The following TBC1D9B variants were observed in gnomAD, a reference collection of about 807,000 sequenced individuals.
The protein encoded by TBC1D9B is TBC1 domain family, member 9B (with GRAM domain).
Under a neutral mutation model 121.1 loss-of-function variants are expected in TBC1D9B, and 87 were observed. That is an observed-to-expected ratio of 0.72 (90% confidence interval 0.60 to 0.86). The LOEUF (loss-of-function observed/expected upper bound fraction) is 0.86, where lower values mean the gene tolerates loss of function less well. TBC1D9B is among the 40% of genes least tolerant of loss of function. The pLI is 0.00. For missense variants in TBC1D9B, 1,540 were observed against 1,628.6 expected, an observed-to-expected ratio of 0.95 and a Z score of 0.94; for synonymous variants, 668 against 670.1, an observed-to-expected ratio of 1.00 and a Z score of 0.05.
Position 179,904,501 on chromosome 5 carries a change from A to G in TBC1D9B, c.229+201T>C. ...CGGCCTCCCAAAGTGCTGGGATTAC[A>G]GACGTGAGCCACCGCACCGGGCCAC... On this transcript the variant is annotated intron_variant, in intron 2 of 20. Coordinates refer to ENST00000355235, the MANE Select transcript of TBC1D9B (RefSeq NM_015043.4). The surrounding 1 kb of genome is among the most constrained non-coding windows in gnomAD (Gnocchi z 4.2). 6.6e-6 allele frequency among the ~76,000 whole-genome samples: 1 copy of G among 152,056 alleles called. No homozygotes were observed. The highest frequency in any genetic ancestry group is 1.9e-4 in the East Asian group (1 of 5,184).
chr5:179,897,140 C>T (rs947358089), intron 3 of TBC1D9B, among the ~76,000 whole-genome samples: 3 of 151,980 alleles, frequency 2.0e-5, no homozygotes, highest in Admixed American at 6.6e-5. Context: ...ATCTCCTGAC[C>T]TCGTGATCCG....
intron 17 of TBC1D9B, chr5:179,869,285 T>C (rs1760112623): frequency 1.5e-5 from 5 of 323,026 alleles, no homozygotes; most frequent in South Asian, 1.0e-4. Context: ...TGCTGAGCCC[T>C]GCCCCCTGCA....
chr5:179,864,271 C>T (rs150645320), intron 20 of TBC1D9B, 143 bp from the exon 21 acceptor site: 104 of 816,006 alleles, frequency 1.3e-4, no homozygotes, highest in Non-Finnish European at 1.0e-4. Flanking sequence ...TCATCAGTCC[C>T]ATCTCACAGA....
Position 179,863,347 on chromosome 5 carries a change from G to C in TBC1D9B, c.*101C>G, listed in dbSNP as rs1582068879. The C allele has an allele frequency of 3.0e-6, 4 of 1,348,432 alleles. No homozygotes were observed. In the East Asian group the frequency reaches 9.4e-5, roughly 32 times the overall value. The allele number at this position is 1,348,432 out of a possible 1,614,324, so 83.5% of individuals were successfully genotyped here. On this transcript the variant is annotated 3_prime_UTR_variant, in exon 21 of 21. Transcript: ENST00000355235. This position sits in a 1 kb window ranked among gnomAD's most constrained non-coding sequence, Gnocchi z 4.5. ...CTCACTGCTCCTGGGAGAGCAGGAG[G>C]GGCACACCTTTAAAGAGAAACTGAT...
rs1307095405 is a variant in TBC1D9B at position 179,888,319 on chromosome 5, A to G, written c.1045-7T>C. The G allele has an allele frequency of 6.2e-7, 1 of 1,611,562 alleles. No homozygotes were observed. The highest frequency in any genetic ancestry group is 8.5e-7 in the Non-Finnish European group (1 of 1,179,456). ...CTTTTTCGACAATGGTCACCTGAGA[A>G]GGTGAAAGAACTCTTTTGGGTGTCT... On this transcript the variant is annotated splice_region_variant and splice_polypyrimidine_tract_variant and intron_variant, in intron 6 of 20. Coordinates refer to ENST00000355235, the MANE Select transcript of TBC1D9B (RefSeq NM_015043.4).
At chr5:179,884,173 A>G (rs555957551) in intron 7 of TBC1D9B, among the ~76,000 whole-genome samples, 28 of 152,272 alleles carry the variant, frequency 1.8e-4, no homozygotes, top group Non-Finnish European at 3.2e-4. Context: ...TTGTGCTTCC[A>G]TTAATAAAAA....
intron 14 of TBC1D9B, chr5:179,872,691 A>T (rs1401211820): frequency 1.7e-6 from 1 of 584,492 alleles, no homozygotes; most frequent in African/African-American, 1.9e-5. Context: ...CACATCCACC[A>T]GCAGAGAAAA....
intron 3 of TBC1D9B, among the ~76,000 whole-genome samples, chr5:179,895,468 G>GA (rs2113642195): frequency 6.6e-6 from 1 of 152,250 alleles, no homozygotes; most frequent in South Asian, 2.1e-4. Flanking sequence ...CTGTATGCCA[G>GA]GGGGCTCCTG....
rs1561640797 is a variant in TBC1D9B at position 179,881,945 on chromosome 5, C to CT, written c.1255-2157_1255-2156insA. ...TTTCCATATCTTTCCATATACCTTC[C>CT]GTTTTTTTTTTTTTTTTGAGATGGA... On this transcript the variant is annotated intron_variant, in intron 7 of 20. Transcript: ENST00000355235. Among the ~76,000 whole-genome samples, 310 of 139,298 alleles carry CT rather than the reference C, an allele frequency of 2.2e-3. 3 individuals are homozygous for CT. The highest frequency in any genetic ancestry group is 9.8e-3 in the African/African-American group (301 of 30,704). The allele number at this position is 139,298 out of a possible 152,430, so 91.4% of individuals were successfully genotyped here.
At chr5:179,894,013 G>A (rs1033853592) in intron 4 of TBC1D9B, among the ~76,000 whole-genome samples, 3 of 152,148 alleles carry the variant, frequency 2.0e-5, no homozygotes, top group Non-Finnish European at 2.9e-5. Context: ...TCCTGTGGCC[G>A]GGATGTCTGT....
intron 6 of TBC1D9B, among the ~76,000 whole-genome samples, chr5:179,889,303 C>T (rs1166841184): frequency 6.6e-6 from 1 of 151,964 alleles, no homozygotes. Flanking sequence ...GCTGGGATTA[C>T]AGGCGTGAGC....
At chr5:179,867,223 G>A (rs1760039212) in intron 18 of TBC1D9B, 2 of 527,578 alleles carry the variant, frequency 3.8e-6, no homozygotes, top group African/African-American at 3.8e-5. Flanking sequence ...CCTTGCCCTG[G>A]GCCTGCTTGG....
chr5:179,867,734 C>G (rs982782274), intron 18 of TBC1D9B, 44 bp downstream of exon 18: 23 of 1,604,826 alleles, frequency 1.4e-5, no homozygotes, highest in Non-Finnish European at 1.8e-5. Flanking sequence ...GCGGTGGCTG[C>G]AGAGTGCTGG....
Position 179,879,156 on chromosome 5 carries a change from G to T in TBC1D9B, c.1458C>A (p.Phe486Leu). ...TGCACACGCCACGCCCGTACTCGAAGAAGTGGATGTGCCATGACTCCTCTT... is the reference window on the plus strand; with the variant it reads ...TGCACACGCCACGCCCGTACTCGAATAAGTGGATGTGCCATGACTCCTCTT... ...KMKEESWHIH[F>L]FEYGRGVCMY... The change falls in exon 9 of 21, where the codon TTC becomes TTA. Residue 486 changes from phenylalanine (F) to leucine (L), a missense_variant. Physicochemically the swap from Phe to Leu is conservative, Grantham distance 22. Transcript: ENST00000355235. 6.2e-7 allele frequency: 1 copy of T among 1,606,172 alleles called. No homozygotes were observed.
chr5:179,903,860 C>T (rs967109198), intron 2 of TBC1D9B, among the ~76,000 whole-genome samples: 3 of 152,152 alleles, frequency 2.0e-5, no homozygotes, highest in African/African-American at 4.8e-5. Context: ...GAACAGGACA[C>T]GTGAGTGCAG....
At chr5:179,888,439 T>C in intron 6 of TBC1D9B, 127 bp from the exon 7 acceptor site, 1 of 966,264 alleles carries the variant, frequency 1.0e-6, no homozygotes, top group Non-Finnish European at 1.5e-6. Context: ...GGCCCAACTG[T>C]CCTCACATTC....
intron 7 of TBC1D9B, 109 bp downstream of exon 7, chr5:179,887,994 G>GGA: frequency 2.2e-6 from 3 of 1,375,152 alleles, no homozygotes; most frequent in Non-Finnish European, 3.1e-6. Flanking sequence ...ACCCCTAGGC[G>GGA]GAGGCCCACA....
intron 8 of TBC1D9B, 23 bp downstream of exon 8, chr5:179,879,605 G>C (rs779445673): frequency 1.9e-6 from 3 of 1,613,578 alleles, no homozygotes; most frequent in South Asian, 1.1e-5. Context: ...ACGGAGGCTG[G>C]AGTGCCGGCG....
intron 7 of TBC1D9B, among the ~76,000 whole-genome samples, chr5:179,880,605 C>T (rs955814686): frequency 6.6e-6 from 1 of 152,144 alleles, no homozygotes; most frequent in Non-Finnish European, 1.5e-5. Flanking sequence ...TTGAGAGAAC[C>T]CTGATCTTGA....
Sources: allele counts gnomAD v4.1 joint callset (sites outside exome capture counted in the v4.1 genomes callset), GRCh38; gene constraint gnomAD v4.1.1; non-coding constraint Gnocchi (gnomAD v3.1); transcripts MANE v1.5; gene names NCBI Gene and HGNC (gene_info 2026-07-23, HGNC 2026-07-21).